The following PCDH15 variants were observed in gnomAD, a reference collection of about 807,000 sequenced individuals.
The protein encoded by PCDH15 is protocadherin related 15, also known as protocadherin-15.
In PCDH15, 129 loss-of-function variants were observed where a neutral mutation model predicts 178.5. That is an observed-to-expected ratio of 0.72 (90% CI 0.63 to 0.84). The LOEUF (loss-of-function observed/expected upper bound fraction) is 0.84, where lower values mean the gene tolerates loss of function less well. Among genes scored for constraint, PCDH15 ranks in the 40% least tolerant of loss-of-function variants. PCDH15 has a pLI of 0.00. For missense variants in PCDH15, 2,230 were observed against 2,099.9 expected, an observed-to-expected ratio of 1.06 and a Z score of -1.21; for synonymous variants, 800 against 732.0, an observed-to-expected ratio of 1.09 and a Z score of -1.50.
chr10:54,746,066 A>C (rs1310088935), intron 1 of PCDH15, among the ~76,000 whole-genome samples: 1 of 152,118 alleles, frequency 6.6e-6, no homozygotes, highest in Non-Finnish European at 1.5e-5. Flanking sequence ...TTGTTAGGTG[A>C]TTGAATGTTA....
At chr10:55,005,537 T>A (rs1277312894) in intron 2 of PCDH15, among the ~76,000 whole-genome samples, 12 of 152,104 alleles carry the variant, frequency 7.9e-5, no homozygotes, top group Non-Finnish European at 7.4e-5. Flanking sequence ...AGACAAACCA[T>A]TTTCTGAAAG....
chr10:55,218,352 A>G (rs981247930), intron 1 of PCDH15, among the ~76,000 whole-genome samples: 1 of 152,012 alleles, frequency 6.6e-6, no homozygotes, highest in Admixed American at 6.6e-5. Context: ...AAATAATAGG[A>G]AGCAGATGAA....
intron 2 of PCDH15, among the ~76,000 whole-genome samples, chr10:54,937,338 C>G (rs2131859378): frequency 6.6e-6 from 1 of 151,994 alleles, no homozygotes; most frequent in Admixed American, 6.6e-5. Context: ...TTGCGAATTT[C>G]TGCAAGAACA....
At chr10:55,609,986 T>C (rs1843331823) in intron 2 of PCDH15, among the ~76,000 whole-genome samples, 1 of 152,096 alleles carries the variant, frequency 6.6e-6, no homozygotes, top group Non-Finnish European at 1.5e-5. Flanking sequence ...ATTTTTAAAA[T>C]AATAGGCAAA....
At chr10:53,921,070 GA>G (rs1221232438) in intron 25 of PCDH15, among the ~76,000 whole-genome samples, 1 of 152,074 alleles carries the variant, frequency 6.6e-6, no homozygotes, top group Non-Finnish European at 1.5e-5. Flanking sequence ...TGAGCTTTTG[GA>G]AAGTGCTTAA....
At position 55,113,560 on chromosome 10, in the gene PCDH15, C is replaced by G. The variant is rs561343083; in HGVS notation, c.-80+53016G>C. Among the ~76,000 whole-genome samples, 20 of 152,234 alleles carry G rather than the reference C, an allele frequency of 1.3e-4. No homozygotes were observed. The South Asian group carries it at 3.7e-3, about 28-fold the overall frequency. ...GCATTTTACAATTTTTTTCTTTTCT[C>G]TAGCCTTAGCCTTGAAATAAACTTT... is the stretch of plus-strand genomic sequence containing the variant. On this transcript the variant is annotated intron_variant, in intron 2 of 5. Coordinates refer to the PCDH15 transcript ENST00000458638.
In PCDH15 at chr10:55,547,895, GTC is replaced by G. The variant is rs201946506; in HGVS notation, c.-156+79728_-156+79729del. Among the ~76,000 whole-genome samples the G allele has an allele frequency of 4.2e-3, 488 of 116,158 alleles. 6 individuals carry two copies. Among genetic ancestry groups the G allele is most frequent in the African/African-American group, 0.019 (458 of 24,610 alleles). 76.2% of individuals were successfully genotyped at this position (116,158 alleles called of 152,430 possible). ...AACAATGCAGGGAGGTGGTGTGTGT[GTC>G]TGTGTGTGTGTGTGAGAGAGAGAGA... On this transcript the variant is annotated intron_variant, in intron 2 of 5. Coordinates refer to the PCDH15 transcript ENST00000613346.
chr10:54,478,116 A>G (rs1281398479), intron 3 of PCDH15, among the ~76,000 whole-genome samples: 1 of 152,132 alleles, frequency 6.6e-6, no homozygotes, highest in Non-Finnish European at 1.5e-5. Context: ...AAAAGCTTAC[A>G]GATTTTGATC....
intron 8 of PCDH15, among the ~76,000 whole-genome samples, chr10:54,313,568 T>C (rs151071605): frequency 1.1e-3 from 161 of 152,216 alleles, no homozygotes; most frequent in Non-Finnish European, 2.0e-3. Flanking sequence ...CTATCAATTT[T>C]TGCATGTAGA....
intron 7 of PCDH15, among the ~76,000 whole-genome samples, chr10:54,327,130 A>T (rs2133845877): frequency 6.6e-6 from 1 of 152,064 alleles, no homozygotes; most frequent in Admixed American, 6.6e-5. Context: ...AAAACTAGAC[A>T]CCAATTCAGA....
rs1229260238 is a variant in PCDH15 at position 54,421,689 on chromosome 10, TATATACAC to T, written c.158-42755_158-42748del. 1.5e-3 allele frequency among the ~76,000 whole-genome samples: 158 copies of T among 104,786 alleles called. 10 individuals are homozygous for T. The highest frequency in any genetic ancestry group is 6.0e-3 in the African/African-American group (142 of 23,478). 68.7% of individuals were successfully genotyped at this position (104,786 alleles called of 152,430 possible). On this transcript the variant is annotated intron_variant, in intron 3 of 37. Transcript: ENST00000644397. ...ATATATACATATATATATATATATATATATACACACACACACACACACTATATATATTT... is the reference window on the plus strand; with the variant it reads ...ATATATACATATATATATATATATATACACACACACACACTATATATATTT...
intron 8 of PCDH15, among the ~76,000 whole-genome samples, chr10:54,291,404 C>T (rs781090694): frequency 1.3e-5 from 2 of 151,990 alleles, no homozygotes; most frequent in African/African-American, 2.4e-5. Context: ...AATATCACAG[C>T]TGAAAGAACT....
intron 3 of PCDH15, among the ~76,000 whole-genome samples, chr10:54,391,995 A>G (rs1263448814): frequency 1.3e-5 from 2 of 152,164 alleles, no homozygotes; most frequent in Non-Finnish European, 2.9e-5. Flanking sequence ...ATATAGTGTG[A>G]GGCATAATAA....
intron 2 of PCDH15, among the ~76,000 whole-genome samples, chr10:54,621,517 A>G (rs1429583322): frequency 2.8e-4 from 42 of 152,064 alleles, no homozygotes. Context: ...TTTTAAGCAG[A>G]TAACTCAATT....
chr10:54,039,000 T>C (rs2093480650), intron 18 of PCDH15, among the ~76,000 whole-genome samples: 1 of 152,008 alleles, frequency 6.6e-6, no homozygotes, highest in Non-Finnish European at 1.5e-5. Flanking sequence ...ACGTAACTCA[T>C]ATTTTCCTGT....
At chr10:54,239,191 T>A (rs143931241) in intron 8 of PCDH15, among the ~76,000 whole-genome samples, 2 of 152,208 alleles carry the variant, frequency 1.3e-5, no homozygotes, top group African/African-American at 4.8e-5. Context: ...TTTCTATAGA[T>A]TTGCTAAGTT....
chr10:54,922,943 G>T (rs546731091), intron 2 of PCDH15, among the ~76,000 whole-genome samples: 1 of 152,130 alleles, frequency 6.6e-6, no homozygotes, highest in Non-Finnish European at 1.5e-5. Context: ...CTGTGTGGGC[G>T]CTCCAACCCC....
chr10:53,961,815 T>C lies in PCDH15; in HGVS notation c.2946A>G (p.Glu982=). 6.2e-7 allele frequency: 1 copy of C among 1,611,830 alleles called. No homozygotes were observed. The highest frequency in any genetic ancestry group is 8.5e-7 in the Non-Finnish European group (1 of 1,178,342). The change falls in exon 22 of 38, where the codon GAA becomes GAG. Residue 982 remains glutamate, a synonymous_variant. Transcript: ENST00000644397. ...GTGTTATTACTCTTCCAGAATCTTC[T>C]TCCACTTCAAAAATACTGGCAGGGT... ...FPYPASIFEV[E]EDSGRVITRV...
At chr10:54,011,942 T>C (rs1471526772) in intron 20 of PCDH15, among the ~76,000 whole-genome samples, 1 of 152,126 alleles carries the variant, frequency 6.6e-6, no homozygotes. Context: ...TCAGCTGAAA[T>C]AGTTGAAATG....
Sources: gnomAD v4.1 joint callset for allele counts (sites outside exome capture counted in the v4.1 genomes callset) on GRCh38, gnomAD v4.1.1 for gene constraint, MANE v1.5 for transcripts, NCBI Gene and HGNC (gene_info 2026-07-23, HGNC 2026-07-21) for gene names.